The following NRXN2 variants were observed in gnomAD, a reference collection of about 807,000 sequenced individuals.
NRXN2 encodes neurexin 2.
NRXN2 carries 29 observed loss-of-function variants against 128.8 expected under a neutral mutation model. The ratio of observed to expected loss-of-function variants is 0.23; its 90% CI spans 0.17 to 0.31. The LOEUF (loss-of-function observed/expected upper bound fraction) is 0.31. Among genes scored for constraint, NRXN2 ranks in the 10% least tolerant of loss-of-function variants. The probability of loss-of-function intolerance (pLI) is 1.00; values close to 1 mark genes in which losing one functional copy is unlikely to be tolerated. For synonymous variants in NRXN2, 1,098 were observed against 1,075.2 expected (o/e 1.02, Z -0.41); for missense variants, 1,881 against 2,452.6 (o/e 0.77, Z 4.92).
chr11:64,720,597 A>G (rs2057409549), intron 1 of NRXN2, among the ~76,000 whole-genome samples: 1 of 152,190 alleles, frequency 6.6e-6, no homozygotes, highest in South Asian at 2.1e-4. Flanking sequence ...AGGTACAAAG[A>G]TAAGTGAGTG....
chr11:64,709,517 A>T (rs2056687352), intron 2 of NRXN2, among the ~76,000 whole-genome samples: 1 of 152,136 alleles, frequency 6.6e-6, no homozygotes, highest in Non-Finnish European at 1.5e-5. Flanking sequence ...AAAAGAAGGG[A>T]ATCAGTAGGG....
At chr11:64,686,346 G>A (rs1332455638) in intron 5 of NRXN2, among the ~76,000 whole-genome samples, 3 of 152,098 alleles carry the variant, frequency 2.0e-5, no homozygotes, top group Admixed American at 2.0e-4. Context: ...TTCTCCCTGG[G>A]TGCTCCTCCC....
chr11:64,689,176 C>T (rs1000004882), intron 5 of NRXN2, among the ~76,000 whole-genome samples: 1 of 152,050 alleles, frequency 6.6e-6, no homozygotes, highest in Admixed American at 6.5e-5. Flanking sequence ...AAATAAACGA[C>T]TCATGCCAGT....
intron 3 of NRXN2, 134 bp downstream of exon 3, chr11:64,697,641 C>T (rs758964579): frequency 1.6e-5 from 16 of 1,023,150 alleles, no homozygotes; most frequent in Non-Finnish European, 2.1e-5. Flanking sequence ...CAAGGGAGGA[C>T]CCCAGACATC....
At chr11:64,663,656 C>T (rs754826709) in intron 9 of NRXN2, among the ~76,000 whole-genome samples, 7 of 152,062 alleles carry the variant, frequency 4.6e-5, no homozygotes, top group Non-Finnish European at 8.8e-5. Context: ...ACAAATGAAC[C>T]AAATGTTGGA....
intron 17 of NRXN2, among the ~76,000 whole-genome samples, chr11:64,645,597 T>C (rs111532055): frequency 1.3e-5 from 2 of 152,228 alleles, no homozygotes; most frequent in African/African-American, 4.8e-5. Context: ...TCATTTGCTG[T>C]CCACTTTCCT....
At chr11:64,610,089 C>G (rs1294190692) in intron 22 of NRXN2, among the ~76,000 whole-genome samples, 1 of 152,134 alleles carries the variant, frequency 6.6e-6, no homozygotes, top group Non-Finnish European at 1.5e-5. Context: ...TGTTACAGAG[C>G]TGTCCTTGGC....
At chr11:64,642,435 G>A in intron 17 of NRXN2, 1 of 1,437,828 alleles carries the variant, frequency 7.0e-7, no homozygotes, top group Non-Finnish European at 9.1e-7. Context: ...GCCAGGCTCG[G>A]CGTGCACAGC....
chr11:64,713,299 G>A lies in NRXN2; in HGVS notation c.401C>T (p.Ala134Val). 7.3e-7 allele frequency: 1 copy of A among 1,366,178 alleles called. No individual in the cohort carries two copies. Among genetic ancestry groups the A allele is most frequent in the South Asian group, 1.7e-5 (1 of 58,672 alleles). The allele number at this position is 1,366,178 out of a possible 1,614,324, so 84.6% of individuals were successfully genotyped here. A position where few individuals can be genotyped will look rare whatever the true frequency, so the allele number is the denominator to read the frequency against. The change falls in exon 2 of 23, where the codon GCC (alanine) becomes GTC (valine). Residue 134 changes from alanine to valine, a missense_variant. By Grantham distance (64) the Ala-to-Val change is moderately conservative. Around this residue, in one of 7 missense-constraint regions of NRXN2, gnomAD observed 997 missense variants for 1,240.8 expected, o/e 0.80. Transcript: ENST00000265459. ...GCGCCGCTTGGAGCGCACCTCGGCGGCGCGGGCCTCGCCGTCCACCGCCAG... is the reference window on the plus strand; with the variant it reads ...GCGCCGCTTGGAGCGCACCTCGGCGACGCGGGCCTCGCCGTCCACCGCCAG... ...TALAVDGEAR[A>V]AEVRSKRREM...
chr11:64,685,094 T>A (rs1473054057), intron 6 of NRXN2, among the ~76,000 whole-genome samples: 1 of 152,064 alleles, frequency 6.6e-6, no homozygotes, highest in Non-Finnish European at 1.5e-5. Context: ...ACTGGCTCCA[T>A]CTCTGCCTCT....
chr11:64,642,176 C>A (rs755434020), intron 17 of NRXN2, among the ~76,000 whole-genome samples: 16 of 151,352 alleles, frequency 1.1e-4, no homozygotes, highest in Admixed American at 2.6e-4. Context: ...GAAGGTGATG[C>A]GCAAGAGAAA....
At position 64,632,941 on chromosome 11, in the gene NRXN2, C is replaced by T. The variant is rs181700401; in HGVS notation, c.3585+2330G>A. ...CCCACTCTCTGAGAGCTGCTACTGACGCTGTGGTGGGAGCTGATGTGTCAC... is the reference window on the plus strand; with the variant it reads ...CCCACTCTCTGAGAGCTGCTACTGATGCTGTGGTGGGAGCTGATGTGTCAC... On this transcript the variant is annotated intron_variant, in intron 18 of 22. Transcript: ENST00000265459. The surrounding 1 kb of genome is among the most constrained non-coding windows in gnomAD (Gnocchi z 4.2). 1.0e-3 allele frequency among the ~76,000 whole-genome samples: 157 copies of T among 152,312 alleles called. 4 individuals are homozygous for T. The highest frequency in any genetic ancestry group is 9.7e-3 in the Admixed American group (149 of 15,308).
intron 22 of NRXN2, among the ~76,000 whole-genome samples, chr11:64,608,503 T>G (rs945688275): frequency 3.3e-5 from 5 of 150,842 alleles, no homozygotes; most frequent in African/African-American, 1.2e-4. Flanking sequence ...GCTTTTTTTT[T>G]TTTTTTTTGC....
chr11:64,670,197 G>A (rs376755522), intron 7 of NRXN2, among the ~76,000 whole-genome samples: 1 of 152,108 alleles, frequency 6.6e-6, no homozygotes, highest in Non-Finnish European at 1.5e-5. Context: ...TTGTGCTGGG[G>A]TAACTAGGTT....
intron 17 of NRXN2, chr11:64,642,602 T>TGTGGAAGTG: frequency 6.2e-7 from 1 of 1,610,412 alleles, no homozygotes; most frequent in Non-Finnish European, 8.5e-7. Flanking sequence ...CCGTGCTTGC[T>TGTGGAAGTG]GTGGAAGTGG....
chr11:64,649,593 C>T (rs773587750), intron 15 of NRXN2, among the ~76,000 whole-genome samples: 4 of 152,172 alleles, frequency 2.6e-5, no homozygotes, highest in Admixed American at 6.5e-5. Flanking sequence ...TGTGACACAT[C>T]GCCCCCTTCT....
Position 64,688,210 on chromosome 11 carries a change from A to G in NRXN2, c.850+2195T>C, listed in dbSNP as rs76460113. 1,911 of 853,502 alleles carry G rather than the reference A, an allele frequency of 2.2e-3. 36 individuals carry two copies. In the African/African-American group the frequency reaches 0.032, roughly 14 times the overall value. 52.9% of individuals were successfully genotyped at this position (853,502 alleles called of 1,614,324 possible). On this transcript the variant is annotated intron_variant, in intron 5 of 22. Coordinates refer to ENST00000265459, the MANE Select transcript of NRXN2 (RefSeq NM_015080.4). ...AAACGAGGCCATTTCTCGACTCCTC[A>G]GCCCTGCCTCCAGTCTCCTGGGGTG... is the stretch of plus-strand genomic sequence containing the variant.
At chr11:64,629,818 C>G (rs2043607432) in intron 19 of NRXN2, among the ~76,000 whole-genome samples, 1 of 152,140 alleles carries the variant, frequency 6.6e-6, no homozygotes, top group African/African-American at 2.4e-5. Context: ...TTCACCATGT[C>G]CCTCACCGCC....
intron 5 of NRXN2, among the ~76,000 whole-genome samples, chr11:64,686,752 G>T (rs976253584): frequency 6.6e-6 from 1 of 152,232 alleles, no homozygotes. Flanking sequence ...GAGTAACAGG[G>T]CAAGAGCAGG....
Sources: allele counts gnomAD v4.1 joint callset (sites outside exome capture counted in the v4.1 genomes callset), GRCh38; gene constraint gnomAD v4.1.1; regional missense constraint gnomAD v4.1.1; non-coding constraint Gnocchi (gnomAD v3.1); transcripts MANE v1.5; gene names NCBI Gene and HGNC (gene_info 2026-07-23, HGNC 2026-07-21).